The following FLT1 variants were observed in gnomAD, a reference collection of about 807,000 sequenced individuals.
FLT1 encodes the protein vascular endothelial growth factor receptor 1.
Under a neutral mutation model 156.3 loss-of-function variants are expected in FLT1, and 49 were observed. The observed-to-expected ratio is 0.31, with a 90% CI of 0.25 to 0.40. FLT1 has a LOEUF of 0.40. Among genes scored for constraint, FLT1 ranks in the 10% least tolerant of loss-of-function variants. The pLI is 1.00. For missense variants in FLT1, 1,322 were observed against 1,637.2 expected (o/e 0.81, Z 3.32); for synonymous variants, 594 against 583.8 (o/e 1.02, Z -0.25).
At chr13:28,421,613 T>C (rs369318383) in intron 10 of FLT1, among the ~76,000 whole-genome samples, 1 of 151,366 alleles carries the variant, frequency 6.6e-6, no homozygotes, top group South Asian at 2.1e-4. Flanking sequence ...GTACCTCCAT[T>C]TAAGACTTTT....
chr13:28,461,082 C>T (rs1879549553), intron 3 of FLT1, among the ~76,000 whole-genome samples: 1 of 151,848 alleles, frequency 6.6e-6, no homozygotes, highest in Non-Finnish European at 1.5e-5. Context: ...AAGTGATCCT[C>T]TTGTCCCAGC....
At position 28,396,644 on chromosome 13, in the gene FLT1, A is replaced by T. The variant is rs74464009; in HGVS notation, c.1660+316T>A. Among the ~76,000 whole-genome samples, 1,262 of 152,306 alleles carry T rather than the reference A, an allele frequency of 8.3e-3. 7 individuals carry two copies. The highest frequency in any genetic ancestry group is 0.015 in the Non-Finnish European group (1,007 of 68,032). On this transcript the variant is annotated intron_variant, in intron 12 of 29. Coordinates refer to ENST00000282397, the MANE Select transcript of FLT1 (RefSeq NM_002019.4). ...TAATTGGTTTCCTTGATTGGTATTG[A>T]ACTGCTATGTACCAGACCCTGTGCT...
At chr13:28,477,631 A>C (rs1880624379) in intron 1 of FLT1, among the ~76,000 whole-genome samples, 1 of 152,154 alleles carries the variant, frequency 6.6e-6, no homozygotes, top group African/African-American at 2.4e-5. Context: ...TACACCCTAA[A>C]AATGCATACA....
At chr13:28,494,075 A>G (rs1881611524) in intron 1 of FLT1, among the ~76,000 whole-genome samples, 1 of 152,136 alleles carries the variant, frequency 6.6e-6, no homozygotes, top group South Asian at 2.1e-4. Flanking sequence ...CGGGTGGCTG[A>G]GCGCAGCGCA....
intron 16 of FLT1, among the ~76,000 whole-genome samples, chr13:28,341,370 C>T (rs1252287226): frequency 6.6e-6 from 1 of 152,114 alleles, no homozygotes; most frequent in African/African-American, 2.4e-5. Context: ...GCTTCAAAGC[C>T]CAGGCATGGG....
chr13:28,322,547 G>C lies in FLT1; in HGVS notation c.2954-188C>G. ...CAGGCCTCCAGCCCACTTTATCCAAGCATGGGGGCAGGGGGATGATCCATT... is the reference window on the plus strand; with the variant it reads ...CAGGCCTCCAGCCCACTTTATCCAACCATGGGGGCAGGGGGATGATCCATT... On this transcript the variant is annotated intron_variant, in intron 21 of 29. Coordinates refer to ENST00000282397, the MANE Select transcript of FLT1 (RefSeq NM_002019.4). The surrounding 1 kb of genome is among the most constrained non-coding windows in gnomAD (Gnocchi z 4.3). 1.4e-6 allele frequency: 1 copy of C among 721,906 alleles called. No homozygotes were observed. The highest frequency in any genetic ancestry group is 2.5e-6 in the Non-Finnish European group (1 of 403,258). The allele number at this position is 721,906 out of a possible 1,614,324, so 44.7% of individuals were successfully genotyped here. A position where few individuals can be genotyped will look rare whatever the true frequency, so the allele number is the denominator to read the frequency against.
At chr13:28,317,353 G>T in intron 25 of FLT1, 145 bp downstream of exon 25, 2 of 709,334 alleles carry the variant, frequency 2.8e-6, no homozygotes, top group Non-Finnish European at 5.1e-6. Context: ...GGCCTGATGG[G>T]CTGAGGGGAG....
intron 3 of FLT1, among the ~76,000 whole-genome samples, chr13:28,452,433 G>A (rs1335582684): frequency 6.6e-6 from 1 of 152,014 alleles, no homozygotes; most frequent in South Asian, 2.1e-4. Context: ...ATTAATAAAC[G>A]ATAGTGACCT....
At chr13:28,307,402 G>C (rs1047146872) in intron 28 of FLT1, among the ~76,000 whole-genome samples, 6 of 152,008 alleles carry the variant, frequency 3.9e-5, no homozygotes, top group Admixed American at 1.3e-4. Flanking sequence ...TTAATTACGA[G>C]TAAACACCTA....
intron 14 of FLT1, among the ~76,000 whole-genome samples, chr13:28,382,646 G>T (rs538360063): frequency 7.9e-5 from 12 of 152,268 alleles, no homozygotes; most frequent in African/African-American, 2.6e-4. Flanking sequence ...TGTCTGGACC[G>T]AGAGAATAAT....
chr13:28,436,767 A>G (rs1878048056), intron 4 of FLT1, among the ~76,000 whole-genome samples: 1 of 152,214 alleles, frequency 6.6e-6, no homozygotes, highest in Non-Finnish European at 1.5e-5. Context: ...CTAACCCTTG[A>G]ATAGGGCTGA....
At chr13:28,304,218 T>C (rs1870640099) in intron 29 of FLT1, among the ~76,000 whole-genome samples, 1 of 152,192 alleles carries the variant, frequency 6.6e-6, no homozygotes, top group South Asian at 2.1e-4. Flanking sequence ...TCACCACCCA[T>C]TTTCTGAAGT....
rs1396136417 is a variant in FLT1, at chr13:28,390,192, A to G, written c.1661-88T>C. The stretch of plus-strand genomic sequence containing the variant: ...CAAAGATCTTAAGAATTGTTCGTGC[A>G]CAAATTATCTCAGTATCCACATTAA... On this transcript the variant is annotated intron_variant, in intron 12 of 29. Transcript: ENST00000282397. The G allele has an allele frequency of 3.3e-6, 5 of 1,538,072 alleles. No individual in the cohort carries two copies. The African/African-American group carries it at 5.5e-5, about 17-fold the overall frequency.
rs57419092 is a variant in FLT1 at position 28,300,521 on chromosome 13, CCA to C, written c.*2644_*2645del. On this transcript the variant is annotated 3_prime_UTR_variant, in exon 30 of 30. Transcript: ENST00000282397. ...AGTTATGCACAAAACACACATACAC[CCA>C]CACACACACACACACACACACACAC... 0.021 allele frequency: 4,792 copies of C among 225,526 alleles called. 92 individuals are homozygous for C. Among genetic ancestry groups the C allele is most frequent in the African/African-American group, 0.062 (2,675 of 42,814 alleles). The allele number at this position is 225,526 out of a possible 1,614,324, so 14.0% of individuals were successfully genotyped here. A position where few individuals can be genotyped will look rare whatever the true frequency, so the allele number is the denominator to read the frequency against.
At chr13:28,376,381 C>T (rs375933514) in intron 14 of FLT1, among the ~76,000 whole-genome samples, 1 of 152,298 alleles carries the variant, frequency 6.6e-6, no homozygotes, top group African/African-American at 2.4e-5. Flanking sequence ...CTGCTTTAAC[C>T]TTAAAATATT....
At chr13:28,437,477 T>C (rs1209313919) in intron 4 of FLT1, among the ~76,000 whole-genome samples, 2 of 152,156 alleles carry the variant, frequency 1.3e-5, no homozygotes, top group African/African-American at 2.4e-5. Context: ...CTTTCTCTCT[T>C]AAAGTTCTAA....
At chr13:28,348,702 GATCGAGACC>G (rs771878031) in intron 15 of FLT1, among the ~76,000 whole-genome samples, 25 of 152,210 alleles carry the variant, frequency 1.6e-4, no homozygotes, top group Non-Finnish European at 3.1e-4. Context: ...GAGGTCAAGA[GATCGAGACC>G]ATCCCGGCTA....
At chr13:28,433,073 A>T (rs1877792822) in intron 6 of FLT1, among the ~76,000 whole-genome samples, 1 of 152,216 alleles carries the variant, frequency 6.6e-6, no homozygotes, top group African/African-American at 2.4e-5. Context: ...TCATAAATTG[A>T]CTTTGTAATT....
intron 11 of FLT1, among the ~76,000 whole-genome samples, chr13:28,404,885 T>G (rs1174927282): frequency 6.6e-6 from 1 of 151,980 alleles, no homozygotes; most frequent in East Asian, 1.9e-4. Flanking sequence ...CCAGGTGTGA[T>G]GGCAGGTGCC....
Sources: allele counts gnomAD v4.1 joint callset (sites outside exome capture counted in the v4.1 genomes callset), GRCh38; gene constraint gnomAD v4.1.1; non-coding constraint Gnocchi (gnomAD v3.1); transcripts MANE v1.5; gene names NCBI Gene and HGNC (gene_info 2026-07-23, HGNC 2026-07-21).